NAV1: variants seen among roughly 807,000 people sequenced by gnomAD.
NAV1 encodes the protein neuron navigator 1.
Under a neutral mutation model 175.2 loss-of-function variants are expected in NAV1, and 18 were observed. The ratio of observed to expected loss-of-function variants is 0.10; its 90% CI spans 0.07 to 0.15. The LOEUF is 0.15. Ranked by LOEUF, NAV1 falls within the 10% of genes least tolerant of loss-of-function variation. The pLI is 1.00. For synonymous variants in NAV1, 897 were observed against 978.7 expected (o/e 0.92, Z 1.56); for missense variants, 1,731 against 2,436.6 (o/e 0.71, Z 6.10).
intron 1 of NAV1, among the ~76,000 whole-genome samples, chr1:201,556,313 G>T (rs924700742): frequency 2.6e-5 from 4 of 152,106 alleles, no homozygotes; most frequent in African/African-American, 9.7e-5. Flanking sequence ...AGCTACTCGG[G>T]AGGCTGAGGC....
rs141818772 is a variant in NAV1 at position 201,688,985 on chromosome 1, T to C, written c.758-23832T>C. Reference sequence around the variant, plus strand: ...GGCCTCAGTTTATCCCATGGAAACATGGGGAGACTTGAGTGCAAGCTTTGT... The same window carrying C: ...GGCCTCAGTTTATCCCATGGAAACACGGGGAGACTTGAGTGCAAGCTTTGT... On this transcript the variant is annotated intron_variant, in intron 1 of 29. Transcript: ENST00000367296. Among the ~76,000 whole-genome samples the C allele has an allele frequency of 5.3e-3, 808 of 152,302 alleles. 10 individuals carry two copies. Among genetic ancestry groups the C allele is most frequent in the African/African-American group, 0.018 (752 of 41,562 alleles).
intron 2 of NAV1, among the ~76,000 whole-genome samples, chr1:201,600,487 C>T (rs1406769868): frequency 7.2e-5 from 11 of 152,190 alleles, no homozygotes; most frequent in African/African-American, 2.7e-4. Flanking sequence ...ACAGTCTATA[C>T]TTTAGTTAAT....
chr1:201,595,677 T>C (rs773586811), intron 2 of NAV1, among the ~76,000 whole-genome samples: 8 of 152,190 alleles, frequency 5.3e-5, no homozygotes, highest in South Asian at 2.1e-4. Flanking sequence ...GGAATTTCAG[T>C]TGGGTTTAGA....
intron 2 of NAV1, among the ~76,000 whole-genome samples, chr1:201,640,047 C>T (rs938170410): frequency 1.1e-4 from 17 of 152,146 alleles, no homozygotes; most frequent in African/African-American, 2.9e-4. Flanking sequence ...GAAGCTCCCC[C>T]GAGACGGTTG....
Position 201,701,009 on chromosome 1 carries a change from C to CAGA in NAV1, c.758-11807_758-11806insGAA, listed in dbSNP as rs1485619469. On this transcript the variant is annotated intron_variant, in intron 1 of 29. Transcript: ENST00000367296. ...CTGGGGACAGAGTGAGACTCTGTCT[C>CAGA]AAAAAAAAAAAAAAAAAAAAAAAGA... 1.3e-4 allele frequency among the ~76,000 whole-genome samples: 7 copies of CAGA among 52,752 alleles called. No homozygotes were observed. The East Asian group carries it at 4.4e-3, about 33-fold the overall frequency. 34.6% of individuals were successfully genotyped at this position (52,752 alleles called of 152,430 possible).
chr1:201,568,061 A>C lies in NAV1; in HGVS notation c.-143-20478A>C, dbSNP rs571007238. ...TGTGAGTGCCTAGGACCACGTAAGC[A>C]TAGGCTGCCTGGGCTGTGTACCTAA... is the stretch of plus-strand genomic sequence containing the variant. On this transcript the variant is annotated intron_variant, in intron 1 of 33. Transcript: ENST00000685211. Among the ~76,000 whole-genome samples, 22 of 152,288 alleles carry C rather than the reference A, an allele frequency of 1.4e-4. No homozygotes were observed. In the South Asian group the frequency reaches 4.1e-3, roughly 29 times the overall value.
Position 201,812,436 on chromosome 1 carries a change from G to A in NAV1, c.5025-29G>A. On this transcript the variant is annotated intron_variant, in intron 26 of 29. Transcript: ENST00000367296. This position sits in a 1 kb window ranked among gnomAD's most constrained non-coding sequence, Gnocchi z 4.6. Reference sequence around the variant, plus strand: ...CTGACAATGTCCCCATTGCCACTCTGACCCCACTTTCCCCATCCTTGGTGG... The same window carrying A: ...CTGACAATGTCCCCATTGCCACTCTAACCCCACTTTCCCCATCCTTGGTGG... 1 of 1,611,730 alleles carries A rather than the reference G, an allele frequency of 6.2e-7. No homozygotes were observed. The highest frequency in any genetic ancestry group is 8.5e-7 in the Non-Finnish European group (1 of 1,178,782).
At chr1:201,637,686 A>G (rs1256844120) in intron 2 of NAV1, among the ~76,000 whole-genome samples, 4 of 152,346 alleles carry the variant, frequency 2.6e-5, no homozygotes, top group Non-Finnish European at 2.9e-5. Context: ...CGAAGGACAC[A>G]TGCTCACACA....
intron 3 of NAV1, among the ~76,000 whole-genome samples, chr1:201,732,109 C>CA (rs1672884598): frequency 6.8e-6 from 1 of 147,646 alleles, no homozygotes. Context: ...CTCTCTCTCT[C>CA]TTTTTTTTTT....
intron 1 of NAV1, among the ~76,000 whole-genome samples, chr1:201,578,506 C>T (rs1240505469): frequency 6.6e-6 from 1 of 152,258 alleles, no homozygotes; most frequent in African/African-American, 2.4e-5. Context: ...CTGTGGGAAG[C>T]AGGAAGGGTG....
intron 2 of NAV1, among the ~76,000 whole-genome samples, chr1:201,640,654 G>A (rs555737429): frequency 6.6e-6 from 1 of 152,324 alleles, no homozygotes; most frequent in South Asian, 2.1e-4. Flanking sequence ...AGGGTCTACT[G>A]GCCTCACTCT....
At chr1:201,561,522 T>C (rs1444704428) in intron 1 of NAV1, among the ~76,000 whole-genome samples, 2 of 152,244 alleles carry the variant, frequency 1.3e-5, no homozygotes, top group Non-Finnish European at 2.9e-5. Flanking sequence ...TTAAAGAAGA[T>C]TAAATCTGTA....
chr1:201,638,436 C>A (rs2102308767), intron 2 of NAV1, among the ~76,000 whole-genome samples: 1 of 152,320 alleles, frequency 6.6e-6, no homozygotes. Flanking sequence ...TCAGGTGCAG[C>A]AGATGTCTGG....
At chr1:201,805,124 T>C (rs1280649737) in intron 17 of NAV1, among the ~76,000 whole-genome samples, 1 of 152,250 alleles carries the variant, frequency 6.6e-6, no homozygotes, top group Admixed American at 6.5e-5. Flanking sequence ...ATTTCTGTTA[T>C]GAACCAGATA....
intron 3 of NAV1, among the ~76,000 whole-genome samples, chr1:201,768,979 TC>T (rs889332317): frequency 6.6e-6 from 1 of 152,202 alleles, no homozygotes; most frequent in Admixed American, 6.5e-5. Flanking sequence ...TTCTTTGAGA[TC>T]AGCTCAGTCC....
upstream of NAV1, among the ~76,000 whole-genome samples, chr1:201,646,321 A>G (rs1324439736): frequency 3.3e-5 from 5 of 152,248 alleles, no homozygotes; most frequent in Non-Finnish European, 2.9e-5. Context: ...CAGATGGTAC[A>G]GAATCCTCTT....
At chr1:201,676,494 G>C (rs1366407195) in intron 1 of NAV1, among the ~76,000 whole-genome samples, 1 of 152,126 alleles carries the variant, frequency 6.6e-6, no homozygotes, top group East Asian at 1.9e-4. Flanking sequence ...TGGAGGGGAG[G>C]AGTCAGGGAG....
At chr1:201,794,615 GC>G in intron 15 of NAV1, 38 bp downstream of exon 19, 1 of 1,548,540 alleles carries the variant, frequency 6.5e-7, no homozygotes, top group Non-Finnish European at 8.9e-7. Context: ...GGAACAGGGA[GC>G]AGGAAAGTAA....
Position 201,819,336 on chromosome 1 carries a change from T to C in NAV1, c.5539-501T>C, listed in dbSNP as rs151131480. On this transcript the variant is annotated intron_variant, in intron 29 of 29. Transcript: ENST00000367296. ...TAGCAGGCATACTCCCAAGTAATTG[T>C]TGTACATACACATGTGTCACAGTTA... is the stretch of plus-strand genomic sequence containing the variant. 1.0e-3 allele frequency among the ~76,000 whole-genome samples: 152 copies of C among 152,340 alleles called. 1 individual carries two copies. Among genetic ancestry groups the C allele is most frequent in the Non-Finnish European group, 6.5e-4 (44 of 68,032 alleles).
Sources: gnomAD v4.1 joint callset for allele counts (sites outside exome capture counted in the v4.1 genomes callset) on GRCh38, gnomAD v4.1.1 for gene constraint, Gnocchi (gnomAD v3.1) non-coding constraint, MANE v1.5 for transcripts, NCBI Gene and HGNC (gene_info 2026-07-23, HGNC 2026-07-21) for gene names.